PI4K2B: variants seen among roughly 807,000 people sequenced by gnomAD.
PI4K2B encodes the protein phosphatidylinositol 4-kinase type 2 beta, also known as phosphatidylinositol 4-kinase type 2-beta.
In PI4K2B, 46 loss-of-function variants were observed where a neutral mutation model predicts 56.6. The observed-to-expected ratio is 0.81, with a 90% CI of 0.64 to 1.04. PI4K2B has a LOEUF of 1.04. Among genes scored for constraint, PI4K2B ranks in the 50% least tolerant of loss-of-function variants. PI4K2B has a pLI of 0.00. For missense variants in PI4K2B, 556 were observed against 607.7 expected, an observed-to-expected ratio of 0.91 and a Z score of 0.89; for synonymous variants, 211 against 223.8, an observed-to-expected ratio of 0.94 and a Z score of 0.51.
In PI4K2B at chr4:25,239,433, C is replaced by CTCTGGCCTCAGCTAGT. The variant is rs1560365518; in HGVS notation, c.268+5002_268+5003insTCTGGCCTCAGCTAGT. On this transcript the variant is annotated intron_variant, in intron 1 of 9. Transcript: ENST00000264864. ...AGTGAGAAAGCGAGCACGGTGCCGG[C>CTCTGGCCTCAGCTAGT]CCAGGGGGACCCAGCAGCACCCTCT... Among the ~76,000 whole-genome samples, 984 of 115,028 alleles carry CTCTGGCCTCAGCTAGT rather than the reference C, an allele frequency of 8.6e-3. 49 individuals are homozygous for CTCTGGCCTCAGCTAGT. The highest frequency in any genetic ancestry group is 0.012 in the Non-Finnish European group (525 of 44,126). The allele number at this position is 115,028 out of a possible 152,430, so 75.5% of individuals were successfully genotyped here. A position where few individuals can be genotyped will look rare whatever the true frequency, so the allele number is the denominator to read the frequency against.
Position 25,278,954 on chromosome 4 carries a change from G to A in PI4K2B, c.*1767G>A, listed in dbSNP as rs563155405. 1.4e-3 allele frequency: 216 copies of A among 152,600 alleles called. No homozygotes were observed. The highest frequency in any genetic ancestry group is 5.0e-3 in the African/African-American group (207 of 41,524). The allele number at this position is 152,600 out of a possible 1,614,324, so 9.5% of individuals were successfully genotyped here. A position where few individuals can be genotyped will look rare whatever the true frequency, so the allele number is the denominator to read the frequency against. On this transcript the variant is annotated 3_prime_UTR_variant, in exon 10 of 10. Coordinates refer to ENST00000264864, the MANE Select transcript of PI4K2B (RefSeq NM_018323.4). ...TGAGATAGTTAAGATATAACCACAA[G>A]TCAGAGTACATTGGTTGTATTTTGT... is the stretch of plus-strand genomic sequence containing the variant.
At chr4:25,252,293 T>G (rs1485091836) in intron 1 of PI4K2B, 28 bp from the exon 2 acceptor site, 2 of 1,570,852 alleles carry the variant, frequency 1.3e-6, no homozygotes, top group Non-Finnish European at 8.8e-7. Context: ...ATGAGCATTC[T>G]CATAGCTGGT....
intron 1 of PI4K2B, among the ~76,000 whole-genome samples, chr4:25,243,666 C>T (rs759683144): frequency 7.2e-5 from 11 of 152,186 alleles, no homozygotes; most frequent in Non-Finnish European, 1.0e-4. Flanking sequence ...AATTGACCCT[C>T]GAGTGATTCA....
At position 25,278,779 on chromosome 4, in the gene PI4K2B, C is replaced by T; in HGVS notation, c.*1592C>T. On this transcript the variant is annotated 3_prime_UTR_variant, in exon 10 of 10. Transcript: ENST00000264864. ...ATACGTTGCAGTGATGTGGGTACTG[C>T]TTTCATAAAACAGTTTTTTCAGTAT... The T allele has an allele frequency of 6.6e-6, 1 of 152,580 alleles. No individual in the cohort carries two copies. Among genetic ancestry groups the T allele is most frequent in the East Asian group, 1.9e-4 (1 of 5,198 alleles). The allele number at this position is 152,580 out of a possible 1,614,324, so 9.5% of individuals were successfully genotyped here. A position where few individuals can be genotyped will look rare whatever the true frequency, so the allele number is the denominator to read the frequency against.
intron 9 of PI4K2B, among the ~76,000 whole-genome samples, chr4:25,272,442 A>G (rs1716935611): frequency 6.6e-6 from 1 of 152,178 alleles, no homozygotes; most frequent in African/African-American, 2.4e-5. Flanking sequence ...AAAAAAGATA[A>G]TATGTCCTGA....
At chr4:25,236,276 G>A (rs2109080228) in intron 1 of PI4K2B, among the ~76,000 whole-genome samples, 1 of 151,382 alleles carries the variant, frequency 6.6e-6, no homozygotes, top group East Asian at 2.0e-4. Flanking sequence ...TCTGTTGGGT[G>A]CCATGGCTCA....
chr4:25,243,304 C>T (rs929175734), intron 1 of PI4K2B, among the ~76,000 whole-genome samples: 3 of 152,218 alleles, frequency 2.0e-5, no homozygotes. Flanking sequence ...CCAGTGATTG[C>T]TTCGGCATAG....
chr4:25,276,062 A>C (rs1447904470), intron 9 of PI4K2B, among the ~76,000 whole-genome samples: 1 of 152,250 alleles, frequency 6.6e-6, no homozygotes, highest in Non-Finnish European at 1.5e-5. Flanking sequence ...ACTATTGACT[A>C]GTCTTTACAA....
intron 1 of PI4K2B, among the ~76,000 whole-genome samples, chr4:25,250,157 G>A (rs544682177): frequency 2.6e-4 from 39 of 152,330 alleles, no homozygotes; most frequent in Non-Finnish European, 5.4e-4. Context: ...GCAGTGAGCC[G>A]AGATGGCGGC....
intron 1 of PI4K2B, among the ~76,000 whole-genome samples, chr4:25,246,875 C>T (rs1236991235): frequency 6.6e-6 from 1 of 152,228 alleles, no homozygotes; most frequent in Non-Finnish European, 1.5e-5. Context: ...CCCCTCACTG[C>T]CTGGGGCCTG....
At chr4:25,251,692 A>G (rs1335267604) in intron 1 of PI4K2B, among the ~76,000 whole-genome samples, 2 of 152,158 alleles carry the variant, frequency 1.3e-5, no homozygotes, top group Non-Finnish European at 2.9e-5. Flanking sequence ...AATCCGAGAT[A>G]TGATTGGGGA....
chr4:25,236,142 AT>A (rs1715250677), intron 1 of PI4K2B, among the ~76,000 whole-genome samples: 1 of 152,070 alleles, frequency 6.6e-6, no homozygotes, highest in East Asian at 1.9e-4. Context: ...TTTTAAAAAA[AT>A]ATTTTATTCT....
intron 2 of PI4K2B, among the ~76,000 whole-genome samples, 166 bp downstream of exon 2, chr4:25,252,641 C>T (rs1427581486): frequency 6.6e-6 from 1 of 152,004 alleles, no homozygotes; most frequent in Admixed American, 6.6e-5. Flanking sequence ...CGCCCGGGGT[C>T]GCCCTCTCTT....
rs373492173 is a variant in PI4K2B at position 25,239,524 on chromosome 4, G to A, written c.268+5093G>A. Among the ~76,000 whole-genome samples, 243 of 60,142 alleles carry A rather than the reference G, an allele frequency of 4.0e-3. 2 individuals are homozygous for A. In the South Asian group the frequency reaches 0.045, roughly 11 times the overall value. 39.5% of individuals were successfully genotyped at this position (60,142 alleles called of 152,430 possible). On this transcript the variant is annotated intron_variant, in intron 1 of 9. Transcript: ENST00000264864. ...GCCGGTGGGGCCGGCCAGCCGCTCC[G>A]ACTGCGGAACCTGCCAAGCCCATGC...
intron 1 of PI4K2B, among the ~76,000 whole-genome samples, chr4:25,243,267 C>T (rs185516522): frequency 9.8e-4 from 150 of 152,310 alleles, no homozygotes; most frequent in African/African-American, 3.4e-3. Flanking sequence ...ACCCAGGGAA[C>T]CTTCGTCCTC....
At chr4:25,275,824 C>G (rs1717072369) in intron 9 of PI4K2B, among the ~76,000 whole-genome samples, 1 of 152,084 alleles carries the variant, frequency 6.6e-6, no homozygotes, top group South Asian at 2.1e-4. Context: ...TCTAGTTTGG[C>G]CAGCTGTGGT....
chr4:25,252,802 C>T (rs1405578474), intron 2 of PI4K2B, among the ~76,000 whole-genome samples: 1 of 151,752 alleles, frequency 6.6e-6, no homozygotes, highest in Non-Finnish European at 1.5e-5. Context: ...TTTGTAGAGA[C>T]GGTGGTCTCC....
Position 25,237,272 on chromosome 4 carries a change from G to A in PI4K2B, c.268+2841G>A, listed in dbSNP as rs183794049. ...AATGCCTACATAGCAGTTAATATGC[G>A]CTAGGCATAGTTCTGTATGCTTCAT... On this transcript the variant is annotated intron_variant, in intron 1 of 9. Coordinates refer to ENST00000264864, the MANE Select transcript of PI4K2B (RefSeq NM_018323.4). Among the ~76,000 whole-genome samples, 185 of 152,248 alleles carry A rather than the reference G, an allele frequency of 1.2e-3. 2 individuals carry two copies. In the South Asian group the frequency reaches 0.022, roughly 18 times the overall value.
chr4:25,236,737 C>T (rs1332971398), intron 1 of PI4K2B, among the ~76,000 whole-genome samples: 1 of 152,098 alleles, frequency 6.6e-6, no homozygotes. Context: ...CTGGTTCTTT[C>T]TTCATCTTCT....
Sources: allele counts gnomAD v4.1 joint callset (sites outside exome capture counted in the v4.1 genomes callset), GRCh38; gene constraint gnomAD v4.1.1; transcripts MANE v1.5; gene names NCBI Gene and HGNC (gene_info 2026-07-23, HGNC 2026-07-21).